LPP: variants seen among roughly 807,000 people sequenced by gnomAD.
The protein encoded by LPP is LIM domain containing preferred translocation partner in lipoma, also known as lipoma-preferred partner.
A neutral mutation model predicts 60.4 loss-of-function variants in LPP; 38 were observed. The observed-to-expected ratio is 0.63, with a 90% CI of 0.49 to 0.83. The LOEUF (loss-of-function observed/expected upper bound fraction) is 0.83, where lower values mean the gene tolerates loss of function less well. Among genes scored for constraint, LPP ranks in the 40% least tolerant of loss-of-function variants. LPP has a pLI of 0.00. For synonymous variants in LPP, 328 were observed against 290.8 expected (o/e 1.13, Z -1.30); for missense variants, 902 against 783.6 (o/e 1.15, Z -1.80).
At chr3:188,291,653 A>AG (rs1190538305) in intron 2 of LPP, among the ~76,000 whole-genome samples, 2 of 151,680 alleles carry the variant, frequency 1.3e-5, no homozygotes, top group South Asian at 2.1e-4. Flanking sequence ...CTCAAAAAAA[A>AG]AAAAAAAAAA....
chr3:188,774,432 ATT>A (rs35483431), intron 9 of LPP, among the ~76,000 whole-genome samples: 1 of 151,250 alleles, frequency 6.6e-6, no homozygotes, highest in Non-Finnish European at 1.5e-5. Flanking sequence ...GAGCAAACTC[ATT>A]TTTTTTTTCC....
At chr3:188,811,799 T>C (rs1419425427) in intron 9 of LPP, among the ~76,000 whole-genome samples, 2 of 152,170 alleles carry the variant, frequency 1.3e-5, no homozygotes, top group Non-Finnish European at 2.9e-5. Context: ...CGTTTGAGTA[T>C]TGGAACATTG....
At chr3:188,350,643 C>T (rs1765593874) in intron 3 of LPP, among the ~76,000 whole-genome samples, 1 of 152,218 alleles carries the variant, frequency 6.6e-6, no homozygotes, top group African/African-American at 2.4e-5. Context: ...AGGTTATCCA[C>T]TTAGCAAAAT....
chr3:188,840,544 G>A (rs1759686062), intron 9 of LPP, among the ~76,000 whole-genome samples: 1 of 152,180 alleles, frequency 6.6e-6, no homozygotes, highest in Non-Finnish European at 1.5e-5. Context: ...TCTTTCCCGG[G>A]CTGGAGTGCA....
chr3:188,671,818 C>T (rs1373188589), intron 7 of LPP, among the ~76,000 whole-genome samples: 1 of 152,006 alleles, frequency 6.6e-6, no homozygotes, highest in Non-Finnish European at 1.5e-5. Context: ...ACTCTAGGCC[C>T]GGAATGGGTG....
intron 8 of LPP, among the ~76,000 whole-genome samples, chr3:188,728,615 T>A (rs1019112012): frequency 6.6e-6 from 1 of 152,204 alleles, no homozygotes; most frequent in Non-Finnish European, 1.5e-5. Flanking sequence ...ATAGTAGATT[T>A]GTGGGTTGCA....
At chr3:188,461,543 A>G (rs1798955416) in intron 4 of LPP, among the ~76,000 whole-genome samples, 1 of 152,198 alleles carries the variant, frequency 6.6e-6, no homozygotes, top group Non-Finnish European at 1.5e-5. Context: ...AAGAAATAGA[A>G]CCTCACTAGT....
chr3:188,419,910 A>G (rs184274493), intron 4 of LPP, among the ~76,000 whole-genome samples: 10 of 152,184 alleles, frequency 6.6e-5, no homozygotes, highest in Admixed American at 6.6e-4. Flanking sequence ...AAAAATAATA[A>G]ATAAATATAT....
At chr3:188,607,013 T>C (rs550634859) in intron 6 of LPP, among the ~76,000 whole-genome samples, 3 of 152,070 alleles carry the variant, frequency 2.0e-5, no homozygotes, top group South Asian at 2.1e-4. Flanking sequence ...TAGTTTGAAA[T>C]TGAAAACCAA....
At chr3:188,367,784 C>A (rs987255300) in intron 3 of LPP, among the ~76,000 whole-genome samples, 2 of 152,142 alleles carry the variant, frequency 1.3e-5, no homozygotes, top group African/African-American at 2.4e-5. Flanking sequence ...TCTGAGAAGT[C>A]GAACAGGCAA....
At chr3:188,780,954 C>G (rs961114364) in intron 9 of LPP, among the ~76,000 whole-genome samples, 3 of 152,202 alleles carry the variant, frequency 2.0e-5, no homozygotes, top group African/African-American at 4.8e-5. Context: ...TGAGCAATCT[C>G]CTCATCAAGT....
intron 4 of LPP, among the ~76,000 whole-genome samples, chr3:188,449,721 G>A (rs750024735): frequency 2.0e-5 from 3 of 152,046 alleles, no homozygotes; most frequent in East Asian, 1.9e-4. Context: ...CTATCGATCT[G>A]ATCTTATTTC....
chr3:188,327,352 A>G (rs1758708705), intron 2 of LPP, among the ~76,000 whole-genome samples: 1 of 152,170 alleles, frequency 6.6e-6, no homozygotes, highest in Non-Finnish European at 1.5e-5. Context: ...TAGTTATAAT[A>G]ACAGTTTGTA....
At chr3:188,176,213 C>G (rs1048678335) in intron 1 of LPP, among the ~76,000 whole-genome samples, 1 of 151,958 alleles carries the variant, frequency 6.6e-6, no homozygotes, top group Non-Finnish European at 1.5e-5. Context: ...CAGGCGGGAC[C>G]CCTGAATTTT....
intron 4 of LPP, among the ~76,000 whole-genome samples, chr3:188,437,139 G>T (rs1792517733): frequency 6.6e-6 from 1 of 152,146 alleles, no homozygotes; most frequent in African/African-American, 2.4e-5. Context: ...AAATTAAGAT[G>T]ATGATCTTTT....
At chr3:188,331,480 A>C (rs1319507766) in intron 2 of LPP, among the ~76,000 whole-genome samples, 1 of 152,188 alleles carries the variant, frequency 6.6e-6, no homozygotes. Flanking sequence ...TTTTCCCATT[A>C]TTTTAATCCC....
chr3:188,369,897 A>G (rs558710715), intron 3 of LPP, among the ~76,000 whole-genome samples: 1 of 152,226 alleles, frequency 6.6e-6, no homozygotes, highest in South Asian at 2.1e-4. Context: ...TCAGGCAGTC[A>G]TTGGCCCCAC....
chr3:188,352,606 C>T lies in LPP; in HGVS notation c.-10+10887C>T, dbSNP rs1191298993. Among the ~76,000 whole-genome samples, 1 of 152,208 alleles carries T rather than the reference C, an allele frequency of 6.6e-6. No individual in the cohort carries two copies. The highest frequency in any genetic ancestry group is 2.4e-5 in the African/African-American group (1 of 41,452). ...TTTGATGTGTGAGGACAGTGAGGCG[C>T]ATTATGCGGAGGTGACTTGCTCAAG... On this transcript the variant is annotated intron_variant, in intron 3 of 11. Transcript: ENST00000617246. This position sits in a 1 kb window ranked among gnomAD's most constrained non-coding sequence, Gnocchi z 4.4.
chr3:188,536,002 A>ATTTT (rs11293389), intron 6 of LPP, among the ~76,000 whole-genome samples: 8 of 121,760 alleles, frequency 6.6e-5, no homozygotes, highest in African/African-American at 9.6e-5. Context: ...TATTACATGA[A>ATTTT]TTTTTTTTTT....
Sources: gnomAD v4.1 joint callset for allele counts (sites outside exome capture counted in the v4.1 genomes callset) on GRCh38, gnomAD v4.1.1 for gene constraint, Gnocchi (gnomAD v3.1) non-coding constraint, MANE v1.5 for transcripts, NCBI Gene and HGNC (gene_info 2026-07-23, HGNC 2026-07-21) for gene names.